The following CSMD1 variants were observed in gnomAD, a reference collection of about 807,000 sequenced individuals.
CSMD1 encodes the protein CUB and sushi domain-containing protein 1.
CSMD1 carries 213 observed loss-of-function variants against 417.5 expected under a neutral mutation model. The ratio of observed to expected loss-of-function variants is 0.51; its 90% CI spans 0.46 to 0.57. The LOEUF is 0.57. Among genes scored for constraint, CSMD1 ranks in the 20% least tolerant of loss-of-function variants. The pLI, the probability that CSMD1 is intolerant of heterozygous loss-of-function variation, is 0.00. For synonymous variants in CSMD1, 2,862 were observed against 1,736.8 expected (o/e 1.65, Z -16.11); for missense variants, 6,923 against 4,529.7 (o/e 1.53, Z -15.17).
At chr8:3,486,494 C>G (rs758168587) in intron 11 of CSMD1, among the ~76,000 whole-genome samples, 16 of 152,164 alleles carry the variant, frequency 1.1e-4, no homozygotes, top group Non-Finnish European at 1.9e-4. Context: ...ATTCCTGGGT[C>G]TTTTGGGTCT....
At chr8:3,964,148 G>A (rs967745669) in intron 5 of CSMD1, among the ~76,000 whole-genome samples, 4 of 152,052 alleles carry the variant, frequency 2.6e-5, no homozygotes, top group African/African-American at 9.7e-5. Context: ...CACCCAAGAG[G>A]GTGAAGACCA....
At chr8:3,234,472 A>T (rs945107441) in intron 26 of CSMD1, among the ~76,000 whole-genome samples, 4 of 152,036 alleles carry the variant, frequency 2.6e-5, no homozygotes, top group Non-Finnish European at 4.4e-5. Context: ...CTCACTTGAA[A>T]ACAGCACTCT....
At chr8:4,157,334 C>G (rs1796890486) in intron 3 of CSMD1, among the ~76,000 whole-genome samples, 4 of 152,136 alleles carry the variant, frequency 2.6e-5, no homozygotes, top group Admixed American at 2.6e-4. Flanking sequence ...TGGGCAGAGC[C>G]CAAGATATTT....
chr8:4,059,974 G>A (rs886286901), intron 3 of CSMD1, among the ~76,000 whole-genome samples: 4 of 152,008 alleles, frequency 2.6e-5, no homozygotes, highest in Admixed American at 2.0e-4. Flanking sequence ...ACCAAAGCCG[G>A]GCAGAGACAC....
At chr8:3,369,064 T>C (rs1809783597) in intron 19 of CSMD1, among the ~76,000 whole-genome samples, 190 bp downstream of exon 19, 1 of 152,250 alleles carries the variant, frequency 6.6e-6, no homozygotes, top group Non-Finnish European at 1.5e-5. Flanking sequence ...AAACGGGGAA[T>C]GGTTTTTATT....
chr8:4,936,132 TC>T (rs1179251394), intron 1 of CSMD1, among the ~76,000 whole-genome samples: 1 of 152,234 alleles, frequency 6.6e-6, no homozygotes, highest in East Asian at 1.9e-4. Flanking sequence ...TCTGTCCTGT[TC>T]CACATAATCT....
intron 3 of CSMD1, among the ~76,000 whole-genome samples, chr8:4,057,648 A>T (rs1326423266): frequency 6.4e-5 from 6 of 94,018 alleles, no homozygotes; most frequent in South Asian, 3.6e-4. Context: ...GTTTTCTTCT[A>T]GGGTTTTTAT....
intron 7 of CSMD1, among the ~76,000 whole-genome samples, chr8:3,704,284 C>G (rs746290480): frequency 1.3e-5 from 2 of 152,188 alleles, no homozygotes; most frequent in South Asian, 2.1e-4. Context: ...GGATTCAGCA[C>G]AGAAGCCTTC....
At chr8:3,794,275 T>A (rs1193977119) in intron 5 of CSMD1, among the ~76,000 whole-genome samples, 1 of 152,176 alleles carries the variant, frequency 6.6e-6, no homozygotes, top group Non-Finnish European at 1.5e-5. Context: ...CTACTTCCCT[T>A]AGTATTCCTA....
intron 1 of CSMD1, among the ~76,000 whole-genome samples, chr8:4,654,065 C>G (rs1162541128): frequency 6.6e-6 from 1 of 152,058 alleles, no homozygotes; most frequent in Non-Finnish European, 1.5e-5. Flanking sequence ...CTCAAAGCCC[C>G]ATAATGCCTC....
At chr8:3,943,933 A>C (rs11136682) in intron 5 of CSMD1, among the ~76,000 whole-genome samples, 13 of 151,898 alleles carry the variant, frequency 8.6e-5, no homozygotes, top group African/African-American at 2.9e-4. Flanking sequence ...AGAAAACACA[A>C]TGGTGGAATG....
In CSMD1 at chr8:3,162,179, C is replaced by T. The variant is rs769301378; in HGVS notation, c.5824G>A (p.Glu1942Lys). The change falls in exon 38 of 70, where the codon GAG (glutamate) becomes AAG (lysine). Residue 1942 changes from glutamate (E) to lysine (K), a missense_variant. Coordinates refer to ENST00000635120, the MANE Select transcript of CSMD1 (RefSeq NM_033225.6). ...GATACCTGCAGGGTGTACCCGGGCT[C>T]GCACTGGAAGGAGAGCACGTCGTTC... is the stretch of plus-strand genomic sequence containing the variant. Reference protein sequence around the residue: ...MVNDVLSFQCEPGYTLQGRSH... With the variant: ...MVNDVLSFQCKPGYTLQGRSH... 2.4e-5 allele frequency: 38 copies of T among 1,607,378 alleles called. No individual in the cohort carries two copies. Among genetic ancestry groups the T allele is most frequent in the South Asian group, 1.1e-4 (10 of 89,274 alleles).
At chr8:3,963,909 G>T (rs529985335) in intron 5 of CSMD1, among the ~76,000 whole-genome samples, 31 of 152,294 alleles carry the variant, frequency 2.0e-4, no homozygotes, top group African/African-American at 6.5e-4. Context: ...CTAACTCATT[G>T]TATCCCAAAT....
intron 65 of CSMD1, among the ~76,000 whole-genome samples, chr8:2,953,715 A>T (rs1396707666): frequency 6.6e-6 from 1 of 152,230 alleles, no homozygotes; most frequent in Non-Finnish European, 1.5e-5. Context: ...CTTTTAGCAA[A>T]AGGTGCCACA....
chr8:2,973,302 A>G lies in CSMD1; in HGVS notation c.8741-3T>C, dbSNP rs938409337. The G allele has an allele frequency of 2.5e-6, 4 of 1,613,222 alleles. No homozygotes were observed. The highest frequency in any genetic ancestry group is 2.5e-6 in the Non-Finnish European group (3 of 1,179,422). On this transcript the variant is annotated splice_polypyrimidine_tract_variant and splice_region_variant and intron_variant, in intron 56 of 69. Transcript: ENST00000635120. The stretch of plus-strand genomic sequence containing the variant: ...ACCACAGAATCCAGGATTATTTCCT[A>G]TTGAAAACAAACACATACGGCAATC...
intron 2 of CSMD1, among the ~76,000 whole-genome samples, chr8:4,533,156 A>G (rs964923115): frequency 4.6e-5 from 7 of 152,168 alleles, no homozygotes; most frequent in Non-Finnish European, 1.0e-4. Flanking sequence ...TCACCCAGCT[A>G]ATGTTTTCAG....
chr8:3,465,428 T>C (rs959592402), intron 12 of CSMD1, among the ~76,000 whole-genome samples: 13 of 151,846 alleles, frequency 8.6e-5, no homozygotes, highest in African/African-American at 3.1e-4. Flanking sequence ...AGGCCACAGG[T>C]GGGTAGAGTG....
At chr8:3,492,662 G>A (rs975143199) in intron 11 of CSMD1, among the ~76,000 whole-genome samples, 1 of 152,174 alleles carries the variant, frequency 6.6e-6, no homozygotes, top group Non-Finnish European at 1.5e-5. Flanking sequence ...CCTCTCTCTG[G>A]AAGTAGCTGA....
chr8:3,797,231 C>G (rs541638816), intron 5 of CSMD1, among the ~76,000 whole-genome samples: 20 of 152,000 alleles, frequency 1.3e-4, no homozygotes, highest in Non-Finnish European at 2.9e-4. Flanking sequence ...TCAACCATCT[C>G]TATTTTCAAA....
Sources: gnomAD v4.1 joint callset for allele counts (sites outside exome capture counted in the v4.1 genomes callset) on GRCh38, gnomAD v4.1.1 for gene constraint, MANE v1.5 for transcripts, NCBI Gene and HGNC (gene_info 2026-07-23, HGNC 2026-07-21) for gene names.